The following ERBB4 variants were observed in gnomAD, a reference collection of about 807,000 sequenced individuals.
ERBB4 encodes the protein erb-b2 receptor tyrosine kinase 4.
In ERBB4, 42 loss-of-function variants were observed where a neutral mutation model predicts 158.0. The ratio of observed to expected loss-of-function variants is 0.27; its 90% confidence interval spans 0.21 to 0.34. The LOEUF is 0.34. Among genes scored for constraint, ERBB4 ranks in the 10% least tolerant of loss-of-function variants. The pLI is 1.00. For missense variants in ERBB4, 1,333 were observed against 1,624.1 expected (o/e 0.82, Z 3.08); for synonymous variants, 583 against 558.7 (o/e 1.04, Z -0.61).
chr2:211,515,914 T>TATATATATATATATATATATATATA (rs1559248895), intron 20 of ERBB4, among the ~76,000 whole-genome samples: 1 of 50,706 alleles, frequency 2.0e-5, no homozygotes, highest in African/African-American at 1.2e-4. Context: ...ATATATATAT[T>TATATATATATATATATATATATATA]TTTTTTTTTT....
intron 20 of ERBB4, among the ~76,000 whole-genome samples, chr2:211,454,917 G>C (rs2064341536): frequency 6.6e-6 from 1 of 152,222 alleles, no homozygotes; most frequent in Non-Finnish European, 1.5e-5. Flanking sequence ...CGGCTGGCTG[G>C]CCGGCACACA....
intron 2 of ERBB4, among the ~76,000 whole-genome samples, chr2:212,079,044 TA>T (rs2078356586): frequency 6.6e-6 from 1 of 151,216 alleles, no homozygotes; most frequent in South Asian, 2.1e-4. Flanking sequence ...ATATTATCCA[TA>T]AAGCATAATT....
intron 2 of ERBB4, among the ~76,000 whole-genome samples, chr2:211,948,436 CAAAAAAAAAA>C (rs55763428): frequency 1.2e-5 from 1 of 81,360 alleles, no homozygotes; most frequent in African/African-American, 4.9e-5. Flanking sequence ...CTCTGTCTCA[CAAAAAAAAAA>C]AAAAAAAAAA....
chr2:211,846,102 A>G (rs893061573), intron 3 of ERBB4, among the ~76,000 whole-genome samples: 5 of 147,850 alleles, frequency 3.4e-5, no homozygotes, highest in African/African-American at 1.3e-4. Flanking sequence ...CCACTCTAGG[A>G]AAAAAAAATC....
At chr2:212,205,214 G>A (rs1399987121) in intron 1 of ERBB4, among the ~76,000 whole-genome samples, 4 of 152,054 alleles carry the variant, frequency 2.6e-5, no homozygotes, top group Non-Finnish European at 4.4e-5. Flanking sequence ...AGGCTGGAGT[G>A]CAGTGGCACG....
At chr2:212,035,944 G>T (rs898713443) in intron 2 of ERBB4, among the ~76,000 whole-genome samples, 12 of 152,230 alleles carry the variant, frequency 7.9e-5, no homozygotes, top group African/African-American at 2.6e-4. Context: ...TAGAGGAAAA[G>T]AAGACAGCAT....
intron 2 of ERBB4, among the ~76,000 whole-genome samples, chr2:212,043,369 T>G (rs868805901): frequency 6.6e-6 from 1 of 152,148 alleles, no homozygotes; most frequent in Non-Finnish European, 1.5e-5. Flanking sequence ...TTGTTTCTAA[T>G]TGTGCTAGAA....
In ERBB4 at chr2:212,179,583, G is replaced by T. The variant is rs193010828; in HGVS notation, c.83-54680C>A. 7.5e-3 allele frequency among the ~76,000 whole-genome samples: 1,140 copies of T among 151,582 alleles called. 4 individuals are homozygous for T. Among genetic ancestry groups the T allele is most frequent in the Middle Eastern group, 0.017 (5 of 294 alleles). On this transcript the variant is annotated intron_variant, in intron 1 of 27. Transcript: ENST00000342788. ...GGGTGTGAGAATTAGAGATCATGTT[G>T]CTCACCCTTTAGCTGCATTTGTGCC...
At chr2:212,003,242 A>G (rs1418478470) in intron 2 of ERBB4, among the ~76,000 whole-genome samples, 3 of 144,814 alleles carry the variant, frequency 2.1e-5, no homozygotes, top group Non-Finnish European at 4.6e-5. Context: ...GGAAGGAAGG[A>G]AGGAAGGAAG....
At chr2:212,251,282 C>T (rs80019179) in intron 1 of ERBB4, among the ~76,000 whole-genome samples, 1,689 of 152,046 alleles carry the variant, frequency 0.011, 38 homozygotes, top group African/African-American at 0.038. Flanking sequence ...AAGTTAAAAG[C>T]ATCCAGCATG....
chr2:211,692,852 CT>C (rs34046353), intron 12 of ERBB4, among the ~76,000 whole-genome samples: 2,072 of 152,246 alleles, frequency 0.014, 57 homozygotes, highest in African/African-American at 0.047. Flanking sequence ...ATCATTCAGT[CT>C]TTCATAAGCA....
chr2:212,281,961 C>CA (rs2085775385), intron 1 of ERBB4, among the ~76,000 whole-genome samples: 1 of 151,520 alleles, frequency 6.6e-6, no homozygotes, highest in Non-Finnish European at 1.5e-5. Flanking sequence ...AACTAAAAGT[C>CA]AAAAAAAGTA....
chr2:211,526,732 TAAAC>T (rs1018110282), intron 20 of ERBB4, among the ~76,000 whole-genome samples: 6 of 151,792 alleles, frequency 4.0e-5, no homozygotes, highest in Non-Finnish European at 7.4e-5. Flanking sequence ...TCAGATAACT[TAAAC>T]AAAGAGAGTA....
chr2:212,103,779 T>A (rs2079148685), intron 2 of ERBB4, among the ~76,000 whole-genome samples: 4 of 151,976 alleles, frequency 2.6e-5, no homozygotes. Flanking sequence ...ATTTCCACTT[T>A]GAAAATAATA....
At chr2:211,608,768 G>C (rs1357044612) in intron 19 of ERBB4, among the ~76,000 whole-genome samples, 1 of 152,080 alleles carries the variant, frequency 6.6e-6, no homozygotes, top group Non-Finnish European at 1.5e-5. Flanking sequence ...TTATTGTACA[G>C]ATTAGCTCTT....
chr2:212,149,021 G>C (rs1401248325), intron 1 of ERBB4, among the ~76,000 whole-genome samples: 43 of 106,730 alleles, frequency 4.0e-4, no homozygotes, highest in Non-Finnish European at 7.3e-4. Context: ...GTTGTGGGGT[G>C]GGGGGAGGGG....
chr2:212,208,267 A>G (rs1178255263), intron 1 of ERBB4, among the ~76,000 whole-genome samples: 2 of 152,000 alleles, frequency 1.3e-5, no homozygotes, highest in African/African-American at 4.8e-5. Context: ...AATGCCTTTT[A>G]TTGCTTTAGG....
intron 23 of ERBB4, among the ~76,000 whole-genome samples, chr2:211,423,138 T>TTTCTG (rs947132329): frequency 6.6e-6 from 1 of 151,952 alleles, no homozygotes; most frequent in Non-Finnish European, 1.5e-5. Flanking sequence ...AAAACAGGTG[T>TTTCTG]TTCTGAAACT....
At chr2:212,270,412 C>T (rs984701740) in intron 1 of ERBB4, among the ~76,000 whole-genome samples, 1 of 151,696 alleles carries the variant, frequency 6.6e-6, no homozygotes, top group East Asian at 1.9e-4. Context: ...TTCTTTACTC[C>T]TCAGTGAACA....
Sources: gnomAD v4.1 joint callset for allele counts (sites outside exome capture counted in the v4.1 genomes callset) on GRCh38, gnomAD v4.1.1 for gene constraint, MANE v1.5 for transcripts, NCBI Gene and HGNC (gene_info 2026-07-23, HGNC 2026-07-21) for gene names.